TRPM3: variants seen among roughly 807,000 people sequenced by gnomAD.
The protein encoded by TRPM3 is transient receptor potential cation channel subfamily M member 3.
In TRPM3, 77 loss-of-function variants were observed where a neutral mutation model predicts 181.2. The observed-to-expected ratio is 0.42, with a 90% CI of 0.35 to 0.51. The LOEUF is 0.51. TRPM3 is among the 20% of genes least tolerant of loss of function. The pLI, the probability that TRPM3 is intolerant of heterozygous loss-of-function variation, is 0.01. For missense variants in TRPM3, 1,759 were observed against 2,196.7 expected, an observed-to-expected ratio of 0.80 and a Z score of 3.98; for synonymous variants, 745 against 796.4, an observed-to-expected ratio of 0.94 and a Z score of 1.09.
intron 1 of TRPM3, among the ~76,000 whole-genome samples, chr9:71,056,850 A>G (rs2133268725): frequency 6.6e-6 from 1 of 152,118 alleles, no homozygotes; most frequent in Middle Eastern, 3.4e-3. Flanking sequence ...TTACTTTGTT[A>G]TGGCAGCCCT....
rs769306850 is a variant in TRPM3 at position 70,591,182 on chromosome 9, G to A, written c.3072C>T (p.Val1024=). ...TCATCAGAACCACCAGCATAATGATGACAAAGTACATCATGTCTATCATCT... is the reference window on the plus strand; with the variant it reads ...TCATCAGAACCACCAGCATAATGATAACAAAGTACATCATGTCTATCATCT... The part of the protein sequence containing the change: ...GKMMIDMMYF[V]IIMLVVLMSF... Residue 1024 remains valine, a synonymous_variant, in exon 22 of 26, where the codon GTC becomes GTT. Transcript: ENST00000677713. 1.4e-5 allele frequency: 22 copies of A among 1,613,940 alleles called. No individual in the cohort carries two copies. The highest frequency in any genetic ancestry group is 1.6e-4 in the Middle Eastern group (1 of 6,084).
intron 19 of TRPM3, among the ~76,000 whole-genome samples, chr9:70,609,877 T>C (rs996474765): frequency 3.0e-4 from 45 of 151,372 alleles, no homozygotes; most frequent in African/African-American, 1.0e-3. Flanking sequence ...CTGGAAAGAA[T>C]TGGAGATGAC....
At position 70,953,221 on chromosome 9, in the gene TRPM3, A is replaced by G. The variant is rs563514389; in HGVS notation, c.178-88710T>C. ...AAAATGTTTAATGTAGTGGCTGTACAGTTTCAAAGTGCTTTTGTTTTTCCA... is the reference window on the plus strand; with the variant it reads ...AAAATGTTTAATGTAGTGGCTGTACGGTTTCAAAGTGCTTTTGTTTTTCCA... On this transcript the variant is annotated intron_variant, in intron 1 of 25. Coordinates refer to ENST00000677713, the MANE Select transcript of TRPM3 (RefSeq NM_001366145.2). Among the ~76,000 whole-genome samples the G allele has an allele frequency of 5.3e-5, 8 of 152,306 alleles. No individual in the cohort carries two copies. The South Asian group carries it at 1.2e-3, about 24-fold the overall frequency.
intron 1 of TRPM3, among the ~76,000 whole-genome samples, chr9:70,957,562 T>C (rs1265343295): frequency 6.6e-6 from 1 of 152,202 alleles, no homozygotes; most frequent in Non-Finnish European, 1.5e-5. Context: ...TTTTTGAAGA[T>C]GGCATCCAAC....
chr9:70,801,207 T>C (rs928746977), intron 6 of TRPM3, among the ~76,000 whole-genome samples: 1 of 152,228 alleles, frequency 6.6e-6, no homozygotes. Flanking sequence ...GGTCTCAAAC[T>C]GGTTTCTGGT....
chr9:71,167,953 G>T (rs2134762881), intron 1 of TRPM3, among the ~76,000 whole-genome samples: 1 of 152,248 alleles, frequency 6.6e-6, no homozygotes, highest in South Asian at 2.1e-4. Context: ...CAAATCAACT[G>T]CTAAAGAATT....
intron 1 of TRPM3, among the ~76,000 whole-genome samples, chr9:71,196,301 G>C (rs1478253176): frequency 2.7e-5 from 4 of 146,818 alleles, no homozygotes; most frequent in African/African-American, 1.0e-4. Flanking sequence ...TAGTATTGAA[G>C]TTATGGCCAA....
chr9:71,148,454 CT>C (rs1167816603), intron 1 of TRPM3, among the ~76,000 whole-genome samples: 1 of 152,056 alleles, frequency 6.6e-6, no homozygotes, highest in East Asian at 1.9e-4. Flanking sequence ...TTTTGAAATG[CT>C]TTGTTTTCTG....
intron 8 of TRPM3, among the ~76,000 whole-genome samples, chr9:70,681,848 C>T (rs762635826): frequency 2.6e-5 from 4 of 152,130 alleles, no homozygotes; most frequent in Admixed American, 6.5e-5. Context: ...TGGTCGTGTT[C>T]CCCCAAAGTG....
chr9:70,984,275 G>A (rs2097397266), intron 1 of TRPM3, among the ~76,000 whole-genome samples: 1 of 152,198 alleles, frequency 6.6e-6, no homozygotes, highest in Non-Finnish European at 1.5e-5. Context: ...AGTGTTAAAA[G>A]CATTACCCAT....
At chr9:70,668,672 G>GAAAAAAAAAAAAAA (rs57929544) in intron 9 of TRPM3, among the ~76,000 whole-genome samples, 5 of 86,516 alleles carry the variant, frequency 5.8e-5, no homozygotes, top group Admixed American at 1.6e-4. Context: ...CTCAAAAAAA[G>GAAAAAAAAAAAAAA]AAAAAAAAAA....
chr9:71,215,641 G>A (rs1264133116), intron 1 of TRPM3, among the ~76,000 whole-genome samples: 1 of 152,202 alleles, frequency 6.6e-6, no homozygotes, highest in East Asian at 1.9e-4. Context: ...TAGGAAATTA[G>A]CTAATTTAGG....
At chr9:71,030,950 C>A (rs2057221128) in intron 1 of TRPM3, among the ~76,000 whole-genome samples, 1 of 152,046 alleles carries the variant, frequency 6.6e-6, no homozygotes, top group Non-Finnish European at 1.5e-5. Flanking sequence ...TTATTTGAGT[C>A]AAATGTTGAA....
intron 1 of TRPM3, among the ~76,000 whole-genome samples, chr9:71,187,359 C>A (rs1366829768): frequency 6.6e-6 from 1 of 151,960 alleles, no homozygotes; most frequent in Non-Finnish European, 1.5e-5. Context: ...ACTCACAGTT[C>A]CAACAAAAGT....
chr9:71,409,295 T>C (rs1286406135), intron 1 of TRPM3, among the ~76,000 whole-genome samples: 3 of 152,144 alleles, frequency 2.0e-5, no homozygotes, highest in Non-Finnish European at 2.9e-5. Flanking sequence ...AATGCCTCAA[T>C]TAAAAGACAC....
At chr9:71,161,003 C>A (rs917711770) in intron 1 of TRPM3, among the ~76,000 whole-genome samples, 2 of 152,136 alleles carry the variant, frequency 1.3e-5, no homozygotes, top group African/African-American at 2.4e-5. Flanking sequence ...AAGTTTCCTC[C>A]TTGCTGTCGT....
intron 1 of TRPM3, among the ~76,000 whole-genome samples, chr9:70,931,247 G>A (rs2096772601): frequency 6.6e-6 from 1 of 152,028 alleles, no homozygotes; most frequent in African/African-American, 2.4e-5. Flanking sequence ...GAATAACTTG[G>A]AATGTATAAT....
At chr9:70,596,075 T>C (rs904640848) in intron 21 of TRPM3, among the ~76,000 whole-genome samples, 10 of 152,220 alleles carry the variant, frequency 6.6e-5, no homozygotes, top group Non-Finnish European at 8.8e-5. Context: ...TTGAACATAA[T>C]GATAACAGAT....
chr9:70,586,589 A>G (rs2057173180), intron 22 of TRPM3, among the ~76,000 whole-genome samples: 1 of 152,214 alleles, frequency 6.6e-6, no homozygotes, highest in African/African-American at 2.4e-5. Context: ...CCCTTTCCCA[A>G]AAGTTGGCAC....
Sources: allele counts gnomAD v4.1 joint callset (sites outside exome capture counted in the v4.1 genomes callset), GRCh38; gene constraint gnomAD v4.1.1; transcripts MANE v1.5; gene names NCBI Gene and HGNC (gene_info 2026-07-23, HGNC 2026-07-21).